The following RAD51AP1 variants were observed in gnomAD, a reference collection of about 807,000 sequenced individuals.
The protein encoded by RAD51AP1 is RAD51 associated protein 1.
RAD51AP1 carries 14 observed loss-of-function variants against 34.3 expected under a neutral mutation model. That is an observed-to-expected ratio of 0.41 (90% CI 0.27 to 0.64). The LOEUF (loss-of-function observed/expected upper bound fraction) is 0.64. RAD51AP1 is among the 30% of genes least tolerant of loss of function. RAD51AP1 has a pLI of 0.33. For synonymous variants in RAD51AP1, 114 were observed against 129.8 expected (o/e 0.88, Z 0.83); for missense variants, 348 against 386.9 (o/e 0.90, Z 0.84).
chr12:4,547,879 G>A (rs1410674753), intron 4 of RAD51AP1, among the ~76,000 whole-genome samples: 1 of 152,170 alleles, frequency 6.6e-6, no homozygotes, highest in African/African-American at 2.4e-5. Flanking sequence ...CATATAGCCA[G>A]TTTACATGGT....
At chr12:4,543,698 G>A in intron 2 of RAD51AP1, 65 bp from the exon 3 acceptor site, 1 of 1,189,936 alleles carries the variant, frequency 8.4e-7, no homozygotes. Context: ...GAACACACAT[G>A]GTAATGATTT....
At chr12:4,557,885 G>A (rs750763279) in intron 8 of RAD51AP1, among the ~76,000 whole-genome samples, 1 of 152,096 alleles carries the variant, frequency 6.6e-6, no homozygotes, top group Non-Finnish European at 1.5e-5. Flanking sequence ...GCAAGATTAT[G>A]GGCTTGGTAT....
rs1030560851 is a variant in RAD51AP1 at position 4,559,741 on chromosome 12, G to A, written c.*748G>A. 6.6e-6 allele frequency: 1 copy of A among 152,150 alleles called. No homozygotes were observed. Among genetic ancestry groups the A allele is most frequent in the Non-Finnish European group, 1.5e-5 (1 of 68,018 alleles). The allele number at this position is 152,150 out of a possible 1,614,324, so 9.4% of individuals were successfully genotyped here. ...CTGTTGTAAATGTAATCTTCAAGTA[G>A]TCACTTTTTGTTAAGTTCTTTAGAA... On this transcript the variant is annotated 3_prime_UTR_variant, in exon 9 of 9. Coordinates refer to ENST00000352618, the MANE Select transcript of RAD51AP1 (RefSeq NM_006479.5).
intron 1 of RAD51AP1, 118 bp downstream of exon 1, chr12:4,539,074 G>C: frequency 8.7e-7 from 1 of 1,148,680 alleles, no homozygotes. Context: ...AGGATGGACG[G>C]TTATCAAGAA....
chr12:4,545,073 ACATATG>A (rs1463726524), intron 3 of RAD51AP1: 8 of 300,132 alleles, frequency 2.7e-5, no homozygotes, highest in Non-Finnish European at 4.7e-5. Flanking sequence ...AGAAATGAAA[ACATATG>A]CCCACACAAA....
At position 4,539,917 on chromosome 12, in the gene RAD51AP1, A is replaced by G. The variant is rs530302456; in HGVS notation, c.17+961A>G. ...GGGAGAGGAATCTAAGTTTGCTTTT[A>G]TAAAGGTCACTGGCTGTTGGTGGAG... On this transcript the variant is annotated intron_variant, in intron 1 of 8. Coordinates refer to ENST00000352618, the MANE Select transcript of RAD51AP1 (RefSeq NM_006479.5). Among the ~76,000 whole-genome samples the G allele has an allele frequency of 7.9e-5, 12 of 152,338 alleles. No individual in the cohort carries two copies. The East Asian group carries it at 1.5e-3, about 20-fold the overall frequency.
intron 3 of RAD51AP1, 108 bp downstream of exon 3, chr12:4,544,012 C>A: frequency 1.2e-6 from 1 of 863,266 alleles, no homozygotes; most frequent in Non-Finnish European, 1.6e-6. Context: ...AGTCATAGGT[C>A]TTATTTTACT....
rs1459948764 is a variant in RAD51AP1 at position 4,548,714 on chromosome 12, A to T, written c.434A>T (p.Asp145Val). 6.2e-7 allele frequency: 1 copy of T among 1,613,750 alleles called. No individual in the cohort carries two copies. Among genetic ancestry groups the T allele is most frequent in the African/African-American group, 1.3e-5 (1 of 74,922 alleles). The change falls in exon 6 of 9, where the codon GAT (aspartate) becomes GTT (valine). Residue 145 changes from aspartate (D) to valine (V), a missense_variant. Coordinates refer to ENST00000352618, the MANE Select transcript of RAD51AP1 (RefSeq NM_006479.5). ...LDLDKITVEDDVGGVQGKRKA... is the reference protein window; with the variant it reads ...LDLDKITVEDVVGGVQGKRKA... ...TTGGATAAGATTACTGTGGAAGATG[A>T]TGTTGGTGGTGTTCAAGGGAAAAGA...
chr12:4,558,721 A>C lies in RAD51AP1; in HGVS notation c.872-136A>C. The C allele has an allele frequency of 9.9e-7, 1 of 1,006,322 alleles. No homozygotes were observed. The highest frequency in any genetic ancestry group is 1.4e-6 in the Non-Finnish European group (1 of 702,202). 62.3% of individuals were successfully genotyped at this position (1,006,322 alleles called of 1,614,324 possible). ...CTCTTTAGAACATTCTGTTCTTTTG[A>C]TCTAGTTTATTGCTTGATAGACACT... On this transcript the variant is annotated intron_variant, in intron 8 of 8. Coordinates refer to ENST00000352618, the MANE Select transcript of RAD51AP1 (RefSeq NM_006479.5).
chr12:4,541,734 AT>A, intron 1 of RAD51AP1, 149 bp from the exon 2 acceptor site: 1 of 265,734 alleles, frequency 3.8e-6, no homozygotes, highest in Non-Finnish European at 7.1e-6. Context: ...AACACATTTC[AT>A]TTAACACATT....
chr12:4,556,242 A>G (rs1312276681), intron 7 of RAD51AP1, 111 bp from the exon 8 acceptor site: 2 of 837,092 alleles, frequency 2.4e-6, no homozygotes, highest in Non-Finnish European at 3.8e-6. Context: ...TTGTTGATTA[A>G]TAAGTTTATT....
chr12:4,541,117 G>A (rs919188947), intron 1 of RAD51AP1, among the ~76,000 whole-genome samples: 3 of 152,152 alleles, frequency 2.0e-5, no homozygotes, highest in African/African-American at 7.2e-5. Context: ...AATTTGAAAT[G>A]CTCCAAAATT....
At position 4,545,634 on chromosome 12, in the gene RAD51AP1, A is replaced by T. The variant is rs1253301060; in HGVS notation, c.210-675A>T. The T allele has an allele frequency of 1.2e-5, 8 of 693,336 alleles. No homozygotes were observed. The South Asian group carries it at 1.4e-4, about 12-fold the overall frequency. The allele number at this position is 693,336 out of a possible 1,614,324, so 42.9% of individuals were successfully genotyped here. A position where few individuals can be genotyped will look rare whatever the true frequency, so the allele number is the denominator to read the frequency against. ...GGTACATCTCAGTGCTTCTTCCTTT[A>T]TGTAACTTTTCCTTATCTGTCTTTG... On this transcript the variant is annotated intron_variant, in intron 3 of 8. Coordinates refer to ENST00000352618, the MANE Select transcript of RAD51AP1 (RefSeq NM_006479.5).
intron 6 of RAD51AP1, among the ~76,000 whole-genome samples, chr12:4,549,105 G>A (rs1944527987): frequency 6.6e-6 from 1 of 152,226 alleles, no homozygotes; most frequent in Non-Finnish European, 1.5e-5. Context: ...ATTACCTGTG[G>A]AATAGACAAA....
chr12:4,540,896 CCT>C (rs1276983018), intron 1 of RAD51AP1, among the ~76,000 whole-genome samples: 1 of 152,112 alleles, frequency 6.6e-6, no homozygotes, highest in East Asian at 1.9e-4. Flanking sequence ...GAGCTTACTA[CCT>C]CTTTTTCATA....
chr12:4,546,257 A>G, intron 3 of RAD51AP1, 52 bp from the exon 4 acceptor site: 2 of 1,322,690 alleles, frequency 1.5e-6, no homozygotes, highest in Non-Finnish European at 2.1e-6. Context: ...TTTGCTCTTT[A>G]GTTGAGATTG....
Position 4,548,826 on chromosome 12 carries a change from C to G in RAD51AP1, c.546C>G (p.Asp182Glu), listed in dbSNP as rs773258503. 1.2e-6 allele frequency: 2 copies of G among 1,611,798 alleles called. No individual in the cohort carries two copies. Among genetic ancestry groups the G allele is most frequent in the African/African-American group, 2.7e-5 (2 of 74,812 alleles). The change falls in exon 6 of 9, where the codon GAC (aspartate) becomes GAG (glutamate). Residue 182 changes from aspartate to glutamate, a missense_variant. Physicochemically the swap from Asp to Glu is conservative, Grantham distance 45. Transcript: ENST00000352618. ...DGDSANDTEP[D>E]FAPGEDSEDD... ...ATAGTGCTAATGACACTGAACCAGA[C>G]TTTGCACCTGGTAGGTTTTATTCTA...
rs546102242 is a variant in RAD51AP1 at position 4,551,828 on chromosome 12, G to A, written c.557-1155G>A. ...TTTTATTTTAATATACTACAAAAGG[G>A]AATAGAAGAAGAAGAGCGAGATAGA... On this transcript the variant is annotated intron_variant, in intron 6 of 8. Coordinates refer to ENST00000352618, the MANE Select transcript of RAD51AP1 (RefSeq NM_006479.5). 2.0e-5 allele frequency among the ~76,000 whole-genome samples: 3 copies of A among 152,244 alleles called. No individual in the cohort carries two copies. The South Asian group carries it at 6.2e-4, about 32-fold the overall frequency.
chr12:4,552,902 T>A, intron 6 of RAD51AP1, 81 bp from the exon 7 acceptor site: 1 of 1,303,292 alleles, frequency 7.7e-7, no homozygotes, highest in Non-Finnish European at 1.0e-6. Flanking sequence ...TGCATAAGAA[T>A]CTGAAAGCTG....
Sources: allele counts gnomAD v4.1 joint callset (sites outside exome capture counted in the v4.1 genomes callset), GRCh38; gene constraint gnomAD v4.1.1; transcripts MANE v1.5; gene names NCBI Gene and HGNC (gene_info 2026-07-23, HGNC 2026-07-21).